TLCD3B: variants seen among roughly 807,000 people sequenced by gnomAD.
TLCD3B encodes the protein ceramide synthase.
A neutral mutation model predicts 23.0 loss-of-function variants in TLCD3B; 9 were observed. The ratio of observed to expected loss-of-function variants is 0.39; its 90% CI spans 0.24 to 0.68. TLCD3B has a LOEUF of 0.68. TLCD3B is among the 30% of genes least tolerant of loss of function. TLCD3B has a pLI of 0.44. For synonymous variants in TLCD3B, 161 were observed against 161.0 expected (o/e 1.00, Z 0.00); for missense variants, 307 against 371.8 (o/e 0.83, Z 1.43).
Position 30,025,830 on chromosome 16 carries a change from A to G in TLCD3B, c.445-9T>C, listed in dbSNP as rs202086911. 383 of 1,611,056 alleles carry G rather than the reference A, an allele frequency of 2.4e-4. No individual in the cohort carries two copies. Among genetic ancestry groups the G allele is most frequent in the Non-Finnish European group, 3.0e-4 (352 of 1,177,706 alleles). Reference sequence around the variant, plus strand: ...TTACCCTGTCGCCACACCTGGGCACAGAGGCAGGAAGGTGAGGAGCTGGGG... The same window carrying G: ...TTACCCTGTCGCCACACCTGGGCACGGAGGCAGGAAGGTGAGGAGCTGGGG... On this transcript the variant is annotated splice_polypyrimidine_tract_variant and intron_variant, in intron 3 of 4. Coordinates refer to ENST00000380495, the MANE Select transcript of TLCD3B (RefSeq NM_031478.6). This position sits in a 1 kb window ranked among gnomAD's most constrained non-coding sequence, Gnocchi z 4.1.
At chr16:30,042,259 G>T (rs1053197301) in intron 2 of TLCD3B, among the ~76,000 whole-genome samples, 5 of 151,152 alleles carry the variant, frequency 3.3e-5, no homozygotes, top group African/African-American at 1.2e-4. Flanking sequence ...ATTTTTTTCA[G>T]ATGGAGTTTT....
rs1596750703 is a variant in TLCD3B at position 30,030,683 on chromosome 16, G to A, written c.-156C>T. 1.2e-5 allele frequency: 15 copies of A among 1,255,108 alleles called. No individual in the cohort carries two copies. The East Asian group carries it at 5.3e-4, about 44-fold the overall frequency. The allele number at this position is 1,255,108 out of a possible 1,614,324, so 77.7% of individuals were successfully genotyped here. A position where few individuals can be genotyped will look rare whatever the true frequency, so the allele number is the denominator to read the frequency against. On this transcript the variant is annotated 5_prime_UTR_variant, in exon 1 of 5. Transcript: ENST00000380495. ...AGGGGCCAGGGCGGGGACGGGATGG[G>A]GCCAGGGAGTCCGATGAAACTGGGG...
intron 3 of TLCD3B, among the ~76,000 whole-genome samples, chr16:30,040,832 G>GT (rs994890717): frequency 8.6e-5 from 13 of 150,646 alleles, no homozygotes; most frequent in Admixed American, 1.3e-4. Context: ...ATCTGGGGAG[G>GT]TTTTTTTTTC....
At chr16:30,050,591 A>C (rs2071735079) in intron 1 of TLCD3B, among the ~76,000 whole-genome samples, 1 of 152,188 alleles carries the variant, frequency 6.6e-6, no homozygotes, top group Non-Finnish European at 1.5e-5. Flanking sequence ...TAAGAAGACA[A>C]TCTTCTTTAG....
upstream of TLCD3B, among the ~76,000 whole-genome samples, chr16:30,032,398 T>C (rs1474482910): frequency 6.6e-6 from 1 of 152,192 alleles, no homozygotes. Context: ...TGGGATTTGC[T>C]GTTTTGTGCT....
chr16:30,032,343 C>T (rs529795226), upstream of TLCD3B, among the ~76,000 whole-genome samples: 5 of 152,306 alleles, frequency 3.3e-5, no homozygotes, highest in African/African-American at 1.2e-4. Context: ...TTGCCTTTCT[C>T]TGCCAGAGCC....
intron 2 of TLCD3B, chr16:30,027,516 C>A (rs1197370176): frequency 2.2e-6 from 1 of 451,494 alleles, no homozygotes; most frequent in Non-Finnish European, 4.5e-6. Flanking sequence ...AGAGACAGAC[C>A]CTGTTGGCAA....
rs776085071 is a variant in TLCD3B at position 30,025,224 on chromosome 16, G to T, written c.784C>A (p.Pro262Thr). The part of the protein sequence containing the change: ...ICRGACRLFW[P>T]RSRPPPACQA... ...CAGGCCGGGGGCGGCCGGGAGCGGG[G>T]CCAGAAGAGGCGGCAGGCCCCACGG... Residue 262 changes from proline to threonine, a missense_variant, in exon 5 of 5, where the codon CCC becomes ACC. Physicochemically the swap from Pro to Thr is conservative, Grantham distance 38. Transcript: ENST00000380495. This position sits in a 1 kb window ranked among gnomAD's most constrained non-coding sequence, Gnocchi z 4.1. 149 of 1,517,296 alleles carry T rather than the reference G, an allele frequency of 9.8e-5. 6 individuals are homozygous for T. In the South Asian group the frequency reaches 1.9e-3, roughly 19 times the overall value. 94.0% of individuals were successfully genotyped at this position (1,517,296 alleles called of 1,614,324 possible). A position where few individuals can be genotyped will look rare whatever the true frequency, so the allele number is the denominator to read the frequency against.
At position 30,029,940 on chromosome 16, in the gene TLCD3B, C is replaced by T. The variant is rs892376376; in HGVS notation, c.126-425G>A. 9.9e-7 allele frequency: 1 copy of T among 1,007,394 alleles called. No individual in the cohort carries two copies. The highest frequency in any genetic ancestry group is 1.7e-5 in the African/African-American group (1 of 60,468). 62.4% of individuals were successfully genotyped at this position (1,007,394 alleles called of 1,614,324 possible). The stretch of plus-strand genomic sequence containing the variant: ...TCTGGACCCTTTGTGACCCCGAGTT[C>T]CCCAGTCACTTTCCCACTGTCTCCT... On this transcript the variant is annotated intron_variant, in intron 1 of 4. Transcript: ENST00000380495. This position sits in a 1 kb window ranked among gnomAD's most constrained non-coding sequence, Gnocchi z 4.6.
At chr16:30,027,178 G>A in intron 2 of TLCD3B, 1 of 480,024 alleles carries the variant, frequency 2.1e-6, no homozygotes, top group Non-Finnish European at 4.1e-6. Context: ...AGGCAGGTGG[G>A]ACCTTGCCAT....
chr16:30,035,313 T>C (rs775304670), upstream of TLCD3B: 1 of 1,287,598 alleles, frequency 7.8e-7, no homozygotes, highest in Non-Finnish European at 1.0e-6. Flanking sequence ...CCACCAGCCA[T>C]GGCCCCAGGA....
chr16:30,029,341 C>A lies in TLCD3B; in HGVS notation c.209+91G>T. 8.5e-7 allele frequency: 1 copy of A among 1,177,222 alleles called. No homozygotes were observed. The highest frequency in any genetic ancestry group is 1.9e-5 in the Admixed American group (1 of 52,254). 72.9% of individuals were successfully genotyped at this position (1,177,222 alleles called of 1,614,324 possible). A position where few individuals can be genotyped will look rare whatever the true frequency, so the allele number is the denominator to read the frequency against. Reference sequence around the variant, plus strand: ...AAGTTAAGGGCTTGGGGACCACAGACAGAGTTCCCTCCAAGATGTGGGGTC... The same window carrying A: ...AAGTTAAGGGCTTGGGGACCACAGAAAGAGTTCCCTCCAAGATGTGGGGTC... On this transcript the variant is annotated intron_variant, in intron 2 of 4. Coordinates refer to ENST00000380495, the MANE Select transcript of TLCD3B (RefSeq NM_031478.6). This position sits in a 1 kb window ranked among gnomAD's most constrained non-coding sequence, Gnocchi z 4.6.
At chr16:30,052,673 G>A (rs940212318) in intron 1 of TLCD3B, 1 of 151,418 alleles carries the variant, frequency 6.6e-6, no homozygotes, top group Non-Finnish European at 1.5e-5. Context: ...CTGCAGCCTG[G>A]GCGACAGAGC....
intron 2 of TLCD3B, chr16:30,027,056 C>G: frequency 3.0e-6 from 2 of 671,126 alleles, no homozygotes; most frequent in Non-Finnish European, 5.5e-6. Flanking sequence ...CCTGTGGTCT[C>G]AGAACTCACC....
At position 30,025,320 on chromosome 16, in the gene TLCD3B, T is replaced by C; in HGVS notation, c.688A>G (p.Ile230Val). The C allele has an allele frequency of 2.5e-6, 4 of 1,570,350 alleles. No homozygotes were observed. The highest frequency in any genetic ancestry group is 3.5e-6 in the Non-Finnish European group (4 of 1,157,012). ...GCGCCCAGGTTGACGTGGGCAGGGA[T>C]GGCCAGGGGCACGGCCAGCAGGGGC... The part of the protein sequence containing the change: ...GLPLLAVPLA[I>V]PAHVNLGAAL... The change falls in exon 5 of 5, where the codon ATC (isoleucine) becomes GTC (valine). Residue 230 changes from isoleucine to valine, a missense_variant. Coordinates refer to ENST00000380495, the MANE Select transcript of TLCD3B (RefSeq NM_031478.6). The surrounding 1 kb of genome is among the most constrained non-coding windows in gnomAD (Gnocchi z 4.1).
chr16:30,036,437 C>T, intron 3 of TLCD3B: 1 of 1,255,984 alleles, frequency 8.0e-7, no homozygotes, highest in Non-Finnish European at 1.0e-6. Flanking sequence ...GTGGAGCAGG[C>T]ACAGGCAGGA....
At chr16:30,034,532 G>A (rs2071428861), upstream of TLCD3B, among the ~76,000 whole-genome samples, 2 of 152,030 alleles carry the variant, frequency 1.3e-5, no homozygotes, top group Admixed American at 6.6e-5. Context: ...TCGTGCCACT[G>A]CACTCCAGCC....
chr16:30,030,183 G>A, intron 1 of TLCD3B: 18 of 1,409,466 alleles, frequency 1.3e-5, no homozygotes, highest in Non-Finnish European at 1.8e-5. Flanking sequence ...AGAGAGGCGG[G>A]CTGAACACTA....
chr16:30,031,585 G>A (rs185275402), upstream of TLCD3B, among the ~76,000 whole-genome samples: 65 of 152,352 alleles, frequency 4.3e-4, no homozygotes, highest in African/African-American at 6.5e-4. Context: ...GGAAGAGAGC[G>A]TTCCCTGGGA....
Sources: allele counts gnomAD v4.1 joint callset (sites outside exome capture counted in the v4.1 genomes callset), GRCh38; gene constraint gnomAD v4.1.1; non-coding constraint Gnocchi (gnomAD v3.1); transcripts MANE v1.5; gene names NCBI Gene and HGNC (gene_info 2026-07-23, HGNC 2026-07-21).